The following SMC1B variants were observed in gnomAD, a reference collection of about 807,000 sequenced individuals.
SMC1B encodes the protein structural maintenance of chromosomes protein 1B.
A neutral mutation model predicts 157.9 loss-of-function variants in SMC1B; 60 were observed. The observed-to-expected ratio is 0.38, with a 90% CI of 0.31 to 0.47. The LOEUF is 0.47. Among genes scored for constraint, SMC1B ranks in the 20% least tolerant of loss-of-function variants. The pLI is 0.99. For synonymous variants in SMC1B, 445 were observed against 483.0 expected (o/e 0.92, Z 1.03); for missense variants, 1,165 against 1,426.2 (o/e 0.82, Z 2.95).
At position 45,383,555 on chromosome 22, in the gene SMC1B, C is replaced by T. The variant is rs1441083543; in HGVS notation, c.1970G>A (p.Ser657Asn). 9.3e-6 allele frequency: 15 copies of T among 1,610,520 alleles called. No homozygotes were observed. The highest frequency in any genetic ancestry group is 1.3e-5 in the African/African-American group (1 of 74,752). The stretch of plus-strand genomic sequence containing the variant: ...GCATCTAGCCTTGTATTTTAAGTCA[C>T]TTGACCCTCCAGAGATCACTCCAGA... ...LKSGVISGGSSDLKYKARCWD... is the reference protein window; with the variant it reads ...LKSGVISGGSNDLKYKARCWD... The change falls in exon 12 of 25, where the codon AGT becomes AAT. Residue 657 changes from serine to asparagine, a missense_variant. Ser to Asn is a conservative substitution (Grantham distance 46). Coordinates refer to ENST00000357450, the MANE Select transcript of SMC1B (RefSeq NM_148674.5).
intron 15 of SMC1B, among the ~76,000 whole-genome samples, chr22:45,363,675 C>CA (rs899676085): frequency 6.9e-6 from 1 of 144,828 alleles, no homozygotes; most frequent in Non-Finnish European, 1.5e-5. Context: ...GACTCCATCT[C>CA]AAAAAAACAA....
At position 45,413,443 on chromosome 22, in the gene SMC1B, T is replaced by C. The variant is rs764867360; in HGVS notation, c.109+16A>G. The C allele has an allele frequency of 6.3e-7, 1 of 1,584,118 alleles. No homozygotes were observed. Among genetic ancestry groups the C allele is most frequent in the South Asian group, 1.1e-5 (1 of 88,034 alleles). On this transcript the variant is annotated intron_variant, in intron 1 of 24. Coordinates refer to ENST00000357450, the MANE Select transcript of SMC1B (RefSeq NM_148674.5). ...CGGCGGAGGCGCTCCGGTGGCGCCC[T>C]GAGCTGCTCAGTTACCAGAGCCGTT...
At chr22:45,351,377 A>C (rs545026182) in intron 22 of SMC1B, among the ~76,000 whole-genome samples, 77 of 152,350 alleles carry the variant, frequency 5.1e-4, no homozygotes, top group African/African-American at 1.6e-3. Context: ...GATTTTGCTC[A>C]GATGACTTGT....
chr22:45,399,931 T>C (rs1409696518), intron 5 of SMC1B, among the ~76,000 whole-genome samples: 1 of 152,206 alleles, frequency 6.6e-6, no homozygotes, highest in African/African-American at 2.4e-5. Context: ...GGATGGCAGA[T>C]GGTAGAAGCC....
At chr22:45,348,811 ACCT>A (rs1197369111) in intron 23 of SMC1B, among the ~76,000 whole-genome samples, 2 of 148,042 alleles carry the variant, frequency 1.4e-5, no homozygotes, top group African/African-American at 5.1e-5. Flanking sequence ...TGATCCTCCC[ACCT>A]CAGCCTCTTG....
chr22:45,373,131 C>T (rs2086851303), intron 12 of SMC1B, among the ~76,000 whole-genome samples: 1 of 152,168 alleles, frequency 6.6e-6, no homozygotes, highest in Admixed American at 6.5e-5. Flanking sequence ...CCTTTCTGGA[C>T]TTAACCAAGG....
Position 45,396,496 on chromosome 22 carries a change from C to A in SMC1B, c.1114-10G>T. ...CTTTATAACGATCCAGCTGCATAAA[C>A]AGTATTGAAAAATTGCTAATTCACC... On this transcript the variant is annotated splice_polypyrimidine_tract_variant and intron_variant, in intron 6 of 24. Coordinates refer to ENST00000357450, the MANE Select transcript of SMC1B (RefSeq NM_148674.5). 2 of 1,601,558 alleles carry A rather than the reference C, an allele frequency of 1.2e-6. No homozygotes were observed.
chr22:45,383,692 G>A, intron 11 of SMC1B, 79 bp from the exon 12 acceptor site: 1 of 1,271,084 alleles, frequency 7.9e-7, no homozygotes. Flanking sequence ...AATTTTTAAA[G>A]CTAAGAATAA....
intron 15 of SMC1B, among the ~76,000 whole-genome samples, chr22:45,363,553 T>C (rs1447365379): frequency 6.6e-6 from 1 of 151,986 alleles, no homozygotes. Context: ...TGGTGGCGTG[T>C]ACCTACAGTC....
chr22:45,394,643 T>C, intron 8 of SMC1B, 42 bp downstream of exon 8: 2 of 1,478,438 alleles, frequency 1.4e-6, no homozygotes, highest in Non-Finnish European at 9.0e-7. Flanking sequence ...TCTCAAAAAA[T>C]AAAAGAAAAT....
Position 45,371,519 on chromosome 22 carries a change from G to A in SMC1B, c.2265C>T (p.Ile755=), listed in dbSNP as rs932050669. Residue 755 remains isoleucine, a synonymous_variant, in exon 14 of 25, where the codon ATC becomes ATT. Transcript: ENST00000357450. ...ESQCIMLSEG[I]KERQRRIKEF... ...CTTTAATTCTTCGTTGTCGTTCCTT[G>A]ATTCCTTCACTCAACATAATACATT... 2 of 1,599,136 alleles carry A rather than the reference G, an allele frequency of 1.3e-6. No homozygotes were observed. Among genetic ancestry groups the A allele is most frequent in the Non-Finnish European group, 1.7e-6 (2 of 1,174,192 alleles).
intron 1 of SMC1B, among the ~76,000 whole-genome samples, chr22:45,409,382 G>A (rs546380829): frequency 3.9e-5 from 6 of 152,044 alleles, no homozygotes; most frequent in South Asian, 2.1e-4. Flanking sequence ...TGGCCAACAC[G>A]GTGAAGCCCC....
intron 24 of SMC1B, among the ~76,000 whole-genome samples, chr22:45,344,977 C>G (rs958937615): frequency 6.6e-6 from 1 of 152,210 alleles, no homozygotes; most frequent in Non-Finnish European, 1.5e-5. Flanking sequence ...GGCTCTACTT[C>G]ATGAGTTCAG....
chr22:45,373,367 T>C (rs2086853739), intron 12 of SMC1B, among the ~76,000 whole-genome samples: 1 of 152,238 alleles, frequency 6.6e-6, no homozygotes, highest in African/African-American at 2.4e-5. Context: ...GATGTGCCAA[T>C]ACCATTTATT....
intron 19 of SMC1B, among the ~76,000 whole-genome samples, chr22:45,357,158 T>G (rs1056265314): frequency 5.3e-5 from 8 of 152,254 alleles, no homozygotes; most frequent in Non-Finnish European, 5.9e-5. Flanking sequence ...AAGTTTTCAT[T>G]TTCCTTTCAC....
At chr22:45,351,350 G>A (rs2086613468) in intron 22 of SMC1B, among the ~76,000 whole-genome samples, 1 of 152,238 alleles carries the variant, frequency 6.6e-6, no homozygotes, top group African/African-American at 2.4e-5. Flanking sequence ...CTAAATGGAT[G>A]TGGGTGCCAC....
intron 1 of SMC1B, 151 bp downstream of exon 1, chr22:45,413,308 G>A (rs539076744): frequency 6.5e-6 from 4 of 616,986 alleles, no homozygotes; most frequent in Non-Finnish European, 2.8e-6. Context: ...GCCAGGGCCA[G>A]GCCGGGATCC....
chr22:45,411,135 G>A (rs1290341670), intron 1 of SMC1B, among the ~76,000 whole-genome samples: 2 of 152,010 alleles, frequency 1.3e-5, no homozygotes, highest in Non-Finnish European at 2.9e-5. Context: ...CCTAATAAAG[G>A]TTATAGTCTG....
At chr22:45,407,838 T>G (rs1411285799) in intron 2 of SMC1B, among the ~76,000 whole-genome samples, 1 of 152,132 alleles carries the variant, frequency 6.6e-6, no homozygotes, top group African/African-American at 2.4e-5. Context: ...GAACAATTGA[T>G]CAAAGGCTCA....
Sources: allele counts gnomAD v4.1 joint callset (sites outside exome capture counted in the v4.1 genomes callset), GRCh38; gene constraint gnomAD v4.1.1; transcripts MANE v1.5; gene names NCBI Gene and HGNC (gene_info 2026-07-23, HGNC 2026-07-21).